The following KIAA1671 variants were observed in gnomAD, a reference collection of about 807,000 sequenced individuals.
The protein encoded by KIAA1671 is KIAA1671.
KIAA1671 carries 52 observed loss-of-function variants against 131.2 expected under a neutral mutation model. That is an observed-to-expected ratio of 0.40 (90% confidence interval 0.32 to 0.50). The LOEUF (loss-of-function observed/expected upper bound fraction) is 0.50, where lower values mean the gene tolerates loss of function less well. Among genes scored for constraint, KIAA1671 ranks in the 20% least tolerant of loss-of-function variants. The probability of loss-of-function intolerance (pLI) is 0.73; values close to 1 mark genes in which losing one functional copy is unlikely to be tolerated. For missense variants in KIAA1671, 2,360 were observed against 2,364.2 expected (o/e 1.00, Z 0.04); for synonymous variants, 1,003 against 961.6 (o/e 1.04, Z -0.80).
chr22:25,041,627 T>A, intron 5 of KIAA1671, 102 bp downstream of exon 5: 1 of 1,232,288 alleles, frequency 8.1e-7, no homozygotes, highest in Non-Finnish European at 1.1e-6. Flanking sequence ...GGTACATAAA[T>A]GAGTGGAGTC....
In KIAA1671 at chr22:25,028,497, G is replaced by C. The variant is rs1470611889; in HGVS notation, c.498G>C (p.Glu166Asp). Residue 166 changes from glutamate (E) to aspartate (D), a missense_variant, in exon 3 of 13, where the codon GAG (glutamate) becomes GAC (aspartate). Physicochemically the swap from Glu to Asp is conservative, Grantham distance 45. Around this residue, in one of 3 missense-constraint regions of KIAA1671, gnomAD observed 1,185 missense variants for 1,126.2 expected, o/e 1.05. Transcript: ENST00000358431. ...LGKAVSEGAE[E>D]AKLGVSGSRP... is the part of the protein sequence containing the mutation. ...AGGCGGTTAGTGAGGGGGCGGAGGA[G>C]GCCAAGCTAGGTGTGTCCGGCTCCC... The C allele has an allele frequency of 2.6e-6, 4 of 1,549,348 alleles. No individual in the cohort carries two copies. The highest frequency in any genetic ancestry group is 2.6e-6 in the Non-Finnish European group (3 of 1,146,076).
chr22:25,093,767 T>C, intron 6 of KIAA1671, among the ~76,000 whole-genome samples: 1 of 104,386 alleles, frequency 9.6e-6, no homozygotes. Flanking sequence ...TCTCTCTCTC[T>C]GTCTCTCTCT....
At chr22:25,134,812 G>A (rs1473100047) in intron 6 of KIAA1671, among the ~76,000 whole-genome samples, 1 of 152,160 alleles carries the variant, frequency 6.6e-6, no homozygotes, top group Admixed American at 6.5e-5. Context: ...GTAACCTGGG[G>A]TAAACTCCTT....
At chr22:25,002,597 C>T (rs1003998756) in intron 1 of KIAA1671, among the ~76,000 whole-genome samples, 1 of 152,170 alleles carries the variant, frequency 6.6e-6, no homozygotes, top group Admixed American at 6.5e-5. Flanking sequence ...CTCAGGCCAC[C>T]TTCTGCATCT....
At chr22:24,985,629 G>T (rs1035961385) in intron 1 of KIAA1671, among the ~76,000 whole-genome samples, 1 of 152,166 alleles carries the variant, frequency 6.6e-6, no homozygotes, top group East Asian at 1.9e-4. Flanking sequence ...GTGAGCCAGC[G>T]CGCCTAGCCT....
intron 5 of KIAA1671, among the ~76,000 whole-genome samples, chr22:25,048,327 C>T (rs1057164174): frequency 2.6e-5 from 4 of 151,480 alleles, no homozygotes; most frequent in East Asian, 1.9e-4. Flanking sequence ...CCATGGGGGG[C>T]GTGAAGAGAG....
chr22:24,959,154 T>C (rs548039001), intron 1 of KIAA1671, among the ~76,000 whole-genome samples: 1 of 151,736 alleles, frequency 6.6e-6, no homozygotes, highest in South Asian at 2.1e-4. Context: ...GAGTGAGTCC[T>C]TGTCTCAAAT....
chr22:24,963,135 G>A (rs1389270194), intron 1 of KIAA1671, among the ~76,000 whole-genome samples: 6 of 151,874 alleles, frequency 4.0e-5, no homozygotes, highest in East Asian at 3.9e-4. Flanking sequence ...AGGCCGAGGC[G>A]GGCGGATCAC....
At chr22:24,988,665 A>G (rs905407009) in intron 1 of KIAA1671, among the ~76,000 whole-genome samples, 2 of 149,892 alleles carry the variant, frequency 1.3e-5, no homozygotes, top group African/African-American at 4.9e-5. Context: ...GAACCTGGGA[A>G]GTGAAGATTG....
chr22:24,994,520 G>C (rs559297645), intron 1 of KIAA1671, among the ~76,000 whole-genome samples: 1 of 152,148 alleles, frequency 6.6e-6, no homozygotes, highest in Non-Finnish European at 1.5e-5. Context: ...AGAGGATTTG[G>C]GTGGAGTCCA....
chr22:25,179,747 C>G (rs556429440), intron 9 of KIAA1671, among the ~76,000 whole-genome samples: 1 of 152,318 alleles, frequency 6.6e-6, no homozygotes, highest in African/African-American at 2.4e-5. Flanking sequence ...TAAGGTTTTA[C>G]TATTTCTGCT....
At chr22:25,116,633 G>A (rs1457255506) in intron 6 of KIAA1671, among the ~76,000 whole-genome samples, 1 of 151,248 alleles carries the variant, frequency 6.6e-6, no homozygotes, top group Admixed American at 6.6e-5. Context: ...TGTTGGCCAG[G>A]CTGGTCTCGA....
chr22:24,968,780 A>C (rs1289155263), intron 1 of KIAA1671, among the ~76,000 whole-genome samples: 1 of 152,164 alleles, frequency 6.6e-6, no homozygotes, highest in Admixed American at 6.5e-5. Context: ...CCTCCACACC[A>C]TGCATGTGTT....
At chr22:25,017,892 G>C (rs1925417805) in intron 1 of KIAA1671, among the ~76,000 whole-genome samples, 2 of 149,960 alleles carry the variant, frequency 1.3e-5, no homozygotes, top group South Asian at 4.3e-4. Flanking sequence ...CCCATTTTTA[G>C]AAAGTTGAAC....
intron 7 of KIAA1671, among the ~76,000 whole-genome samples, chr22:25,173,254 G>C (rs547467221): frequency 3.3e-5 from 5 of 151,668 alleles, no homozygotes; most frequent in Non-Finnish European, 7.4e-5. Context: ...CCTCCAATTC[G>C]ACATGAGATT....
intron 6 of KIAA1671, among the ~76,000 whole-genome samples, chr22:25,081,270 A>C (rs1929392380): frequency 6.6e-6 from 1 of 152,186 alleles, no homozygotes; most frequent in South Asian, 2.1e-4. Flanking sequence ...ACAATCTCCC[A>C]ATTCTAAGAG....
intron 6 of KIAA1671, among the ~76,000 whole-genome samples, chr22:25,151,392 A>G (rs1347177203): frequency 6.7e-6 from 1 of 149,042 alleles, no homozygotes; most frequent in Non-Finnish European, 1.5e-5. Flanking sequence ...ATATAGACAG[A>G]TCAACAAAGT....
At chr22:24,985,634 T>C (rs1923483090) in intron 1 of KIAA1671, among the ~76,000 whole-genome samples, 1 of 152,116 alleles carries the variant, frequency 6.6e-6, no homozygotes, top group African/African-American at 2.4e-5. Context: ...CCAGCGCGCC[T>C]AGCCTTTCTG....
At chr22:24,954,891 C>T (rs538234725) in intron 1 of KIAA1671, among the ~76,000 whole-genome samples, 8 of 152,266 alleles carry the variant, frequency 5.3e-5, no homozygotes, top group East Asian at 1.9e-4. Context: ...AGCAATTCTC[C>T]GGCCTCAGCC....
Sources: gnomAD v4.1 joint callset for allele counts (sites outside exome capture counted in the v4.1 genomes callset) on GRCh38, gnomAD v4.1.1 for gene constraint, gnomAD v4.1.1 regional missense constraint, MANE v1.5 for transcripts, NCBI Gene and HGNC (gene_info 2026-07-23, HGNC 2026-07-21) for gene names.